HECW1: variants seen among roughly 807,000 people sequenced by gnomAD.
HECW1 encodes the protein E3 ubiquitin-protein ligase HECW1.
HECW1 carries 61 observed loss-of-function variants against 182.3 expected under a neutral mutation model. The observed-to-expected ratio is 0.33, with a 90% CI of 0.27 to 0.41. The LOEUF (loss-of-function observed/expected upper bound fraction) is 0.41. Ranked by LOEUF, HECW1 falls within the 10% of genes least tolerant of loss-of-function variation. The pLI, the probability that HECW1 is intolerant of heterozygous loss-of-function variation, is 1.00. For missense variants in HECW1, 1,739 were observed against 2,108.9 expected (o/e 0.82, Z 3.44); for synonymous variants, 859 against 832.6 (o/e 1.03, Z -0.55).
intron 2 of HECW1, among the ~76,000 whole-genome samples, chr7:43,176,789 C>G (rs887363127): frequency 6.6e-6 from 1 of 152,204 alleles, no homozygotes; most frequent in African/African-American, 2.4e-5. Context: ...TTTGGGGACA[C>G]ATTCAAACCA....
chr7:43,532,819 G>C (rs999221973), intron 24 of HECW1, among the ~76,000 whole-genome samples: 1 of 152,202 alleles, frequency 6.6e-6, no homozygotes, highest in Non-Finnish European at 1.5e-5. Flanking sequence ...ATGATATTTG[G>C]TGGGGTAGGA....
At chr7:43,506,838 G>A (rs1287685232) in intron 21 of HECW1, among the ~76,000 whole-genome samples, 3 of 152,136 alleles carry the variant, frequency 2.0e-5, no homozygotes, top group East Asian at 1.9e-4. Context: ...AGGCCAAGGC[G>A]GGTGAATCAC....
chr7:43,235,499 A>G (rs73690281), intron 2 of HECW1, among the ~76,000 whole-genome samples: 3,410 of 152,322 alleles, frequency 0.022, 123 homozygotes, highest in African/African-American at 0.061. Flanking sequence ...GAACTCAAGA[A>G]AAAGAAAACA....
chr7:43,359,106 G>C lies in HECW1; in HGVS notation c.461-1780G>C, dbSNP rs191415248. ...CTCCCAAAGTGTTGGGATTACAGGCGTGAGCCACCGTGCCCGGCCCATATC... is the reference window on the plus strand; with the variant it reads ...CTCCCAAAGTGTTGGGATTACAGGCCTGAGCCACCGTGCCCGGCCCATATC... On this transcript the variant is annotated intron_variant, in intron 5 of 29. Transcript: ENST00000395891. Among the ~76,000 whole-genome samples, 1,079 of 152,270 alleles carry C rather than the reference G, an allele frequency of 7.1e-3. 8 individuals are homozygous for C. Among genetic ancestry groups the C allele is most frequent in the Middle Eastern group, 0.034 (10 of 294 alleles).
In HECW1 at chr7:43,534,708, C is replaced by A. The variant is rs73100756; in HGVS notation, c.4020-6455C>A. 4.1e-3 allele frequency among the ~76,000 whole-genome samples: 617 copies of A among 152,290 alleles called. 2 individuals are homozygous for A. Among genetic ancestry groups the A allele is most frequent in the Middle Eastern group, 0.01 (3 of 294 alleles). ...CCAGATGATAATTTTCAGTTTAATT[C>A]CATTCAACAAATCTTAATTGAGACC... On this transcript the variant is annotated intron_variant, in intron 24 of 29. Coordinates refer to ENST00000395891, the MANE Select transcript of HECW1 (RefSeq NM_015052.5).
At chr7:43,209,184 T>TG (rs34306090) in intron 2 of HECW1, among the ~76,000 whole-genome samples, 106,230 of 151,858 alleles carry the variant, frequency 0.7, 37,692 homozygotes, top group Non-Finnish European at 0.74. Context: ...TCAGACCCAC[T>TG]AGCCCCTCAC....
intron 21 of HECW1, among the ~76,000 whole-genome samples, chr7:43,505,981 C>A (rs993865840): frequency 6.6e-6 from 1 of 152,120 alleles, no homozygotes; most frequent in Non-Finnish European, 1.5e-5. Flanking sequence ...TGATTCTGAC[C>A]ACCTTTAAAA....
chr7:43,518,631 G>C (rs2080284094), intron 24 of HECW1, among the ~76,000 whole-genome samples: 1 of 152,032 alleles, frequency 6.6e-6, no homozygotes, highest in African/African-American at 2.4e-5. Flanking sequence ...TTGAAAATCT[G>C]TAATACAAAT....
At chr7:43,269,425 C>T (rs563941495) in intron 3 of HECW1, among the ~76,000 whole-genome samples, 14 of 152,330 alleles carry the variant, frequency 9.2e-5, no homozygotes, top group African/African-American at 3.1e-4. Context: ...GAGACAAGGC[C>T]TGGGTGCCCC....
intron 24 of HECW1, among the ~76,000 whole-genome samples, chr7:43,530,879 A>C (rs779627752): frequency 2.6e-5 from 4 of 152,198 alleles, no homozygotes; most frequent in Non-Finnish European, 5.9e-5. Context: ...TATATCCTTC[A>C]TATGGGTGCA....
chr7:43,376,805 G>A (rs1474711722), intron 6 of HECW1, among the ~76,000 whole-genome samples: 1 of 152,064 alleles, frequency 6.6e-6, no homozygotes, highest in African/African-American at 2.4e-5. Flanking sequence ...GGCAGAGGTT[G>A]CAGTGAGCCG....
intron 2 of HECW1, among the ~76,000 whole-genome samples, chr7:43,158,192 A>G (rs1790103045): frequency 6.6e-6 from 1 of 152,242 alleles, no homozygotes; most frequent in African/African-American, 2.4e-5. Flanking sequence ...CATTGCTTCC[A>G]AAAACTTGTC....
chr7:43,249,631 A>G (rs1377938582), intron 3 of HECW1, among the ~76,000 whole-genome samples: 1 of 152,214 alleles, frequency 6.6e-6, no homozygotes, highest in Non-Finnish European at 1.5e-5. Flanking sequence ...TAGGGCATGC[A>G]CACTGCATAG....
At chr7:43,385,207 TCCCC>T (rs2074723967) in intron 6 of HECW1, among the ~76,000 whole-genome samples, 1 of 10,746 alleles carries the variant, frequency 9.3e-5, no homozygotes, top group Non-Finnish European at 1.6e-4. Context: ...TCCCCTCCCC[TCCCC>T]TCTCCCCACC....
chr7:43,326,468 A>G (rs1186046097), intron 5 of HECW1, among the ~76,000 whole-genome samples: 1 of 152,190 alleles, frequency 6.6e-6, no homozygotes, highest in African/African-American at 2.4e-5. Context: ...TTCTTCATCT[A>G]TAAAATGAAA....
chr7:43,488,434 GAGAAAGAAAGAAAGAAAGAAAGAAAGAA>G, intron 17 of HECW1, among the ~76,000 whole-genome samples: 1 of 93,138 alleles, frequency 1.1e-5, no homozygotes, highest in African/African-American at 4.4e-5. Context: ...AAGAAAGAAA[GAGAAAGAAAGAAAGAAAGAAAGAAAGAA>G]AGAAAGAAAG....
chr7:43,273,913 ACAATCTCGGCTCACTG>A (rs1163924454), intron 3 of HECW1, among the ~76,000 whole-genome samples: 4 of 150,282 alleles, frequency 2.7e-5, no homozygotes, highest in Admixed American at 2.0e-4. Context: ...GTGCGGTGGC[ACAATCTCGGCTCACTG>A]CAATCTCCAC....
chr7:43,132,953 AG>A (rs1787122860), intron 2 of HECW1, among the ~76,000 whole-genome samples: 1 of 152,174 alleles, frequency 6.6e-6, no homozygotes, highest in Admixed American at 6.5e-5. Context: ...TTAAATAATA[AG>A]GGCTATTTGT....
chr7:43,198,215 A>G lies in HECW1; in HGVS notation c.-31-45660A>G, dbSNP rs552053406. ...ACACACATTCACACGCTCACCCTAT[A>G]CACACCCACCATAGTCGCACATCCC... On this transcript the variant is annotated intron_variant, in intron 2 of 29. Coordinates refer to ENST00000395891, the MANE Select transcript of HECW1 (RefSeq NM_015052.5). 5.0e-4 allele frequency among the ~76,000 whole-genome samples: 73 copies of G among 146,894 alleles called. 1 individual carries two copies. The South Asian group carries it at 0.015, about 31-fold the overall frequency.
Sources: gnomAD v4.1 joint callset for allele counts (sites outside exome capture counted in the v4.1 genomes callset) on GRCh38, gnomAD v4.1.1 for gene constraint, MANE v1.5 for transcripts, NCBI Gene and HGNC (gene_info 2026-07-23, HGNC 2026-07-21) for gene names.